Variants in ZNF684 observed in about 807,000 individuals in gnomAD.
The protein encoded by ZNF684 is zinc finger protein 684, also known as hypothetical protein MGC27466.
In ZNF684, 13 loss-of-function variants were observed where a neutral mutation model predicts 12.8. The observed-to-expected ratio is 1.02, with a 90% CI of 0.66 to 1.62. The LOEUF (loss-of-function observed/expected upper bound fraction) is 1.62, where lower values mean the gene tolerates loss of function less well. ZNF684 is among the 40% of genes most tolerant of loss of function. The pLI, the probability that ZNF684 is intolerant of heterozygous loss-of-function variation, is 0.00. For missense variants in ZNF684, 384 were observed against 446.9 expected (o/e 0.86, Z 1.27); for synonymous variants, 118 against 151.8 (o/e 0.78, Z 1.64).
chr1:40,533,303 G>T, intron 2 of ZNF684, 122 bp downstream of exon 2: 1 of 1,022,814 alleles, frequency 9.8e-7, no homozygotes, highest in Non-Finnish European at 1.4e-6. Flanking sequence ...AGGAAATTTA[G>T]AAGATTGGTA....
At chr1:40,545,804 T>C (rs986248437) in intron 4 of ZNF684, among the ~76,000 whole-genome samples, 46 of 152,256 alleles carry the variant, frequency 3.0e-4, no homozygotes, top group Admixed American at 2.2e-3. Context: ...ACCAATGTTG[T>C]CTAGAAATTA....
intron 2 of ZNF684, among the ~76,000 whole-genome samples, chr1:40,537,668 G>C (rs1031259848): frequency 1.3e-5 from 2 of 151,880 alleles, no homozygotes; most frequent in Admixed American, 6.6e-5. Flanking sequence ...ACTTGAACCT[G>C]AGAGACAGAG....
chr1:40,542,452 C>T (rs902658394), intron 4 of ZNF684, among the ~76,000 whole-genome samples: 5 of 152,000 alleles, frequency 3.3e-5, no homozygotes, highest in African/African-American at 4.8e-5. Flanking sequence ...TTTGAAATTC[C>T]CCTCCAGCTT....
chr1:40,542,786 A>AT (rs975490508), intron 4 of ZNF684, among the ~76,000 whole-genome samples: 1 of 152,070 alleles, frequency 6.6e-6, no homozygotes, highest in Non-Finnish European at 1.5e-5. Flanking sequence ...AAGCAATTTG[A>AT]TTTTTTTCCT....
chr1:40,544,599 C>G (rs1246270388), intron 4 of ZNF684: 1 of 188,596 alleles, frequency 5.3e-6, no homozygotes. Flanking sequence ...AGCCACCCGC[C>G]TTGGCCTCCC....
At chr1:40,539,331 C>CA (rs1557608587) in intron 2 of ZNF684, among the ~76,000 whole-genome samples, 1 of 152,010 alleles carries the variant, frequency 6.6e-6, no homozygotes, top group Non-Finnish European at 1.5e-5. Context: ...ACCTGGCCTC[C>CA]AAAAAATATT....
chr1:40,547,229 C>T lies in ZNF684; in HGVS notation c.906C>T (p.Ile302=). ...FHTGEKPYQC[I]ICGKAFGNTS... ...CAGGAGAGAAACCCTACCAGTGTATCATATGTGGCAAAGCTTTTGGCAACA... is the reference window on the plus strand; with the variant it reads ...CAGGAGAGAAACCCTACCAGTGTATTATATGTGGCAAAGCTTTTGGCAACA... Residue 302 remains isoleucine, a synonymous_variant, in exon 5 of 5, where the codon ATC becomes ATT. Coordinates refer to ENST00000372699, the MANE Select transcript of ZNF684 (RefSeq NM_152373.4). The T allele has an allele frequency of 6.2e-7, 1 of 1,614,160 alleles. No homozygotes were observed.
intron 2 of ZNF684, among the ~76,000 whole-genome samples, chr1:40,536,263 G>A (rs1363706650): frequency 4.6e-5 from 7 of 151,848 alleles, no homozygotes; most frequent in South Asian, 2.1e-4. Flanking sequence ...GCATGGTGGC[G>A]GGCGCCTGTA....
In ZNF684 at chr1:40,547,090, C is replaced by T. The variant is rs1300452296; in HGVS notation, c.767C>T (p.Ser256Phe). ...TGTGGGAAAACATTCACTTGGAACT[C>T]CTCATTTAATCAACACGTGAAATCT... ...SQCGKTFTWN[S>F]SFNQHVKSHT... is the part of the protein sequence containing the mutation. The change falls in exon 5 of 5, where the codon TCC becomes TTC. Residue 256 changes from serine (S) to phenylalanine (F), a missense_variant. By Grantham distance (155) the Ser-to-Phe change is radical. Transcript: ENST00000372699. 7 of 1,614,014 alleles carry T rather than the reference C, an allele frequency of 4.3e-6. No individual in the cohort carries two copies. In the African/African-American group the frequency reaches 8.0e-5, roughly 18 times the overall value.
intron 4 of ZNF684, among the ~76,000 whole-genome samples, chr1:40,542,145 CTTTA>C (rs1362555468): frequency 6.6e-6 from 1 of 152,072 alleles, no homozygotes; most frequent in African/African-American, 2.4e-5. Context: ...GCATAATTTT[CTTTA>C]TTTATAAAAT....
intron 4 of ZNF684, among the ~76,000 whole-genome samples, chr1:40,543,910 A>G (rs2124511587): frequency 6.6e-6 from 1 of 152,176 alleles, no homozygotes; most frequent in Non-Finnish European, 1.5e-5. Context: ...CAATTCTATT[A>G]TGACTCTGTC....
intron 4 of ZNF684, among the ~76,000 whole-genome samples, chr1:40,543,838 C>T (rs941399483): frequency 3.3e-5 from 5 of 152,178 alleles, no homozygotes; most frequent in Non-Finnish European, 7.3e-5. Flanking sequence ...CTGATTTCAG[C>T]TTTTCCTCTT....
intron 4 of ZNF684, among the ~76,000 whole-genome samples, chr1:40,543,732 A>AGT (rs1306841401): frequency 2.6e-5 from 4 of 152,178 alleles, no homozygotes; most frequent in African/African-American, 9.6e-5. Context: ...CTGGGATTAC[A>AGT]GGCGTGAGCC....
At chr1:40,543,469 T>A (rs1267572371) in intron 4 of ZNF684, among the ~76,000 whole-genome samples, 2 of 151,684 alleles carry the variant, frequency 1.3e-5, no homozygotes, top group Non-Finnish European at 2.9e-5. Flanking sequence ...TTTTTTTTTT[T>A]TTTTCGAGAC....
chr1:40,532,358 C>CTT (rs3082563), intron 1 of ZNF684, among the ~76,000 whole-genome samples: 24,973 of 143,644 alleles, frequency 0.17, 2,208 homozygotes, highest in Middle Eastern at 0.25. Flanking sequence ...CTCCAAATTT[C>CTT]TTTTTTTTTT....
At chr1:40,536,115 C>T (rs999298183) in intron 2 of ZNF684, among the ~76,000 whole-genome samples, 15 of 152,036 alleles carry the variant, frequency 9.9e-5, no homozygotes, top group African/African-American at 2.2e-4. Context: ...ATATTTTAGC[C>T]GGGTGCAGTG....
intron 2 of ZNF684, among the ~76,000 whole-genome samples, chr1:40,537,275 T>C (rs1196818164): frequency 6.6e-6 from 1 of 152,160 alleles, no homozygotes; most frequent in Non-Finnish European, 1.5e-5. Context: ...TCTAATAGAG[T>C]GTAAGATCCC....
At chr1:40,546,481 A>G (rs1646049271) in intron 4 of ZNF684, 81 bp from the exon 5 acceptor site, 3 of 1,335,358 alleles carry the variant, frequency 2.2e-6, no homozygotes, top group East Asian at 4.8e-5. Flanking sequence ...GAGATACTGT[A>G]TTTGAAATTA....
rs1165992683 is a variant in ZNF684, at chr1:40,540,578, T to C, written c.16-8T>C. On this transcript the variant is annotated splice_polypyrimidine_tract_variant and splice_region_variant and intron_variant, in intron 2 of 4. Transcript: ENST00000372699. ...CACTTTAGTTTGAAGATAAATGTGC[T>C]GTTACAGGAATCAGTGACATTCCAG... is the stretch of plus-strand genomic sequence containing the variant. 1 of 1,590,038 alleles carries C rather than the reference T, an allele frequency of 6.3e-7. No individual in the cohort carries two copies. Among genetic ancestry groups the C allele is most frequent in the Admixed American group, 1.8e-5 (1 of 55,370 alleles).
Sources: allele counts gnomAD v4.1 joint callset (sites outside exome capture counted in the v4.1 genomes callset), GRCh38; gene constraint gnomAD v4.1.1; transcripts MANE v1.5; gene names NCBI Gene and HGNC (gene_info 2026-07-23, HGNC 2026-07-21).